NRXN1: variants seen among roughly 807,000 people sequenced by gnomAD.
The protein encoded by NRXN1 is neurexin 1, also known as neurexin-1.
A neutral mutation model predicts 150.9 loss-of-function variants in NRXN1; 39 were observed. That is an observed-to-expected ratio of 0.26 (90% confidence interval 0.20 to 0.34). NRXN1 has a LOEUF of 0.34. Among genes scored for constraint, NRXN1 ranks in the 10% least tolerant of loss-of-function variants. NRXN1 has a pLI of 1.00. For missense variants in NRXN1, 1,815 were observed against 1,949.9 expected (o/e 0.93, Z 1.30); for synonymous variants, 924 against 757.0 (o/e 1.22, Z -3.62).
At chr2:50,601,123 T>G (rs965654889) in intron 8 of NRXN1, among the ~76,000 whole-genome samples, 3 of 152,166 alleles carry the variant, frequency 2.0e-5, no homozygotes, top group Admixed American at 6.5e-5. Flanking sequence ...CACTGTGCCT[T>G]AATTTATTCA....
intron 5 of NRXN1, among the ~76,000 whole-genome samples, chr2:50,702,374 A>G (rs1356845849): frequency 6.6e-6 from 1 of 152,072 alleles, no homozygotes; most frequent in South Asian, 2.1e-4. Flanking sequence ...AAAACAAAAC[A>G]AAACCTCATT....
chr2:50,725,821 C>T (rs890005295), intron 5 of NRXN1, among the ~76,000 whole-genome samples: 14 of 152,082 alleles, frequency 9.2e-5, no homozygotes, highest in African/African-American at 3.4e-4. Flanking sequence ...GAAATCAAGT[C>T]TCATACAGAC....
intron 5 of NRXN1, among the ~76,000 whole-genome samples, chr2:50,724,732 T>C (rs1050396278): frequency 6.6e-5 from 10 of 152,060 alleles, no homozygotes; most frequent in African/African-American, 2.4e-4. Context: ...ATTTTAAAAT[T>C]GAGGTAATTA....
intron 18 of NRXN1, among the ~76,000 whole-genome samples, chr2:50,201,585 T>C (rs561638456): frequency 6.6e-6 from 1 of 152,344 alleles, no homozygotes; most frequent in South Asian, 2.1e-4. Context: ...ATAGTAGATA[T>C]TCCATATCTC....
chr2:50,816,398 C>A (rs972851178), intron 5 of NRXN1, among the ~76,000 whole-genome samples: 1 of 151,986 alleles, frequency 6.6e-6, no homozygotes, highest in Non-Finnish European at 1.5e-5. Context: ...TCAATGGGTT[C>A]TTCCTTCATC....
At chr2:49,960,646 G>A (rs1161637967) in intron 21 of NRXN1, among the ~76,000 whole-genome samples, 1 of 152,058 alleles carries the variant, frequency 6.6e-6, no homozygotes, top group Non-Finnish European at 1.5e-5. Context: ...ATCCTATAGT[G>A]GAAGAAAGAA....
chr2:50,974,766 CT>C (rs1695561718), intron 2 of NRXN1, among the ~76,000 whole-genome samples: 1 of 152,012 alleles, frequency 6.6e-6, no homozygotes, highest in Non-Finnish European at 1.5e-5. Flanking sequence ...ATTTCAAGCT[CT>C]TAAAAACTAC....
chr2:50,820,490 A>G (rs762021835), intron 5 of NRXN1, among the ~76,000 whole-genome samples: 7 of 152,158 alleles, frequency 4.6e-5, no homozygotes, highest in Admixed American at 6.5e-5. Flanking sequence ...ATTTAAGACC[A>G]CAAACACTTT....
At chr2:50,586,931 A>C (rs1673218063) in intron 8 of NRXN1, among the ~76,000 whole-genome samples, 1 of 152,192 alleles carries the variant, frequency 6.6e-6, no homozygotes, top group Admixed American at 6.6e-5. Context: ...TATAAATATT[A>C]TTATATTTGC....
intron 2 of NRXN1, among the ~76,000 whole-genome samples, chr2:50,993,346 C>T (rs986758048): frequency 6.6e-6 from 1 of 151,786 alleles, no homozygotes; most frequent in Non-Finnish European, 1.5e-5. Context: ...TGCCATACTG[C>T]CCCAAAGATT....
At chr2:50,066,628 TA>T (rs1695402755) in intron 19 of NRXN1, among the ~76,000 whole-genome samples, 1 of 152,096 alleles carries the variant, frequency 6.6e-6, no homozygotes, top group Non-Finnish European at 1.5e-5. Flanking sequence ...GACTCTCCAA[TA>T]AAACATATTT....
intron 2 of NRXN1, among the ~76,000 whole-genome samples, chr2:50,996,161 A>C (rs1699250399): frequency 6.6e-6 from 1 of 152,122 alleles, no homozygotes; most frequent in Non-Finnish European, 1.5e-5. Context: ...AGAATTTCTC[A>C]AAAGATGTTA....
intron 2 of NRXN1, among the ~76,000 whole-genome samples, chr2:50,942,745 C>T (rs1689665621): frequency 6.6e-6 from 1 of 152,140 alleles, no homozygotes; most frequent in African/African-American, 2.4e-5. Context: ...TTTGATTTTA[C>T]AGGCTCACAG....
intron 17 of NRXN1, among the ~76,000 whole-genome samples, chr2:50,435,492 G>A (rs2085344847): frequency 6.6e-6 from 1 of 152,142 alleles, no homozygotes; most frequent in Non-Finnish European, 1.5e-5. Context: ...TATGTAGTCT[G>A]CATAGTATTC....
rs545725211 is a variant in NRXN1 at position 50,822,054 on chromosome 2, G to C, written c.832+99815C>G. The stretch of plus-strand genomic sequence containing the variant: ...TTTGAATCACGTTTGAGTAAATTTT[G>C]GTCTTCATTGTATTTAAGTGATAGT... On this transcript the variant is annotated intron_variant, in intron 5 of 22. Coordinates refer to ENST00000401669, the MANE Select transcript of NRXN1 (RefSeq NM_001330078.2). Among the ~76,000 whole-genome samples, 98 of 152,094 alleles carry C rather than the reference G, an allele frequency of 6.4e-4. No homozygotes were observed. In the South Asian group the frequency reaches 0.019, roughly 29 times the overall value.
At chr2:50,680,706 C>T (rs748275916) in intron 5 of NRXN1, among the ~76,000 whole-genome samples, 2 of 151,290 alleles carry the variant, frequency 1.3e-5, no homozygotes, top group South Asian at 2.1e-4. Context: ...AATGGTTTGC[C>T]ACAAGTAAAC....
Position 50,346,622 on chromosome 2 carries a change from G to T in NRXN1, c.3365-109652C>A. Reference sequence around the variant, plus strand: ...CATTTCTCTGAGCCTTAGGAGCCCAGGAGCGAGTGCAGGGTAGAAAGAGGG... The same window carrying T: ...CATTTCTCTGAGCCTTAGGAGCCCATGAGCGAGTGCAGGGTAGAAAGAGGG... On this transcript the variant is annotated intron_variant, in intron 17 of 22. Coordinates refer to ENST00000401669, the MANE Select transcript of NRXN1 (RefSeq NM_001330078.2). The surrounding 1 kb of genome is among the most constrained non-coding windows in gnomAD (Gnocchi z 5.0). 1 of 1,537,464 alleles carries T rather than the reference G, an allele frequency of 6.5e-7. No individual in the cohort carries two copies.
At chr2:50,093,099 A>T (rs1051901772) in intron 18 of NRXN1, among the ~76,000 whole-genome samples, 1 of 123,994 alleles carries the variant, frequency 8.1e-6, no homozygotes, top group African/African-American at 3.2e-5. Context: ...ATGCATGCTT[A>T]CAAAAAGGTC....
chr2:50,829,197 T>C (rs1472717554), intron 5 of NRXN1, among the ~76,000 whole-genome samples: 3 of 151,854 alleles, frequency 2.0e-5, no homozygotes, highest in East Asian at 3.9e-4. Context: ...CAGCTTCGGC[T>C]TGGCATCAGA....
Sources: allele counts gnomAD v4.1 joint callset (sites outside exome capture counted in the v4.1 genomes callset), GRCh38; gene constraint gnomAD v4.1.1; non-coding constraint Gnocchi (gnomAD v3.1); transcripts MANE v1.5; gene names NCBI Gene and HGNC (gene_info 2026-07-23, HGNC 2026-07-21).